The following SNTG1 variants were observed in gnomAD, a reference collection of about 807,000 sequenced individuals.
SNTG1 encodes the protein syntrophin gamma 1.
Under a neutral mutation model 74.7 loss-of-function variants are expected in SNTG1, and 39 were observed. That is an observed-to-expected ratio of 0.52 (90% CI 0.40 to 0.68). The LOEUF is 0.68. Among genes scored for constraint, SNTG1 ranks in the 30% least tolerant of loss-of-function variants. The pLI, the probability that SNTG1 is intolerant of heterozygous loss-of-function variation, is 0.00. For synonymous variants in SNTG1, 254 were observed against 217.1 expected (o/e 1.17, Z -1.49); for missense variants, 685 against 609.5 (o/e 1.12, Z -1.30).
At chr8:50,003,026 A>G (rs1814889503) in intron 1 of SNTG1, among the ~76,000 whole-genome samples, 1 of 152,178 alleles carries the variant, frequency 6.6e-6, no homozygotes, top group Admixed American at 6.5e-5. Flanking sequence ...GATTCCACTT[A>G]TATGAAGTGT....
chr8:50,396,103 A>C (rs2092725573), intron 3 of SNTG1, among the ~76,000 whole-genome samples: 1 of 152,232 alleles, frequency 6.6e-6, no homozygotes, highest in African/African-American at 2.4e-5. Context: ...AAATTCTATT[A>C]AGATACAGAA....
intron 13 of SNTG1, among the ~76,000 whole-genome samples, chr8:50,604,191 G>GAGGCAT (rs2094795377): frequency 6.6e-6 from 1 of 152,154 alleles, no homozygotes; most frequent in African/African-American, 2.4e-5. Flanking sequence ...GGCTGAGGCA[G>GAGGCAT]GCAGATCACT....
rs906224679 is a variant in SNTG1 at position 50,462,698 on chromosome 8, T to C, written c.363+11969T>C. ...TCACCAGGAAGAGTTTCCTTTGCAA[T>C]AAACCACTTTCTTTGCTCTTCCATA... On this transcript the variant is annotated intron_variant, in intron 8 of 18. Transcript: ENST00000642720. Among the ~76,000 whole-genome samples, 4 of 150,882 alleles carry C rather than the reference T, an allele frequency of 2.7e-5. No individual in the cohort carries two copies. In the East Asian group the frequency reaches 7.8e-4, roughly 30 times the overall value.
intron 2 of SNTG1, among the ~76,000 whole-genome samples, chr8:50,367,469 A>G (rs1310177315): frequency 1.3e-5 from 2 of 152,110 alleles, no homozygotes; most frequent in Non-Finnish European, 2.9e-5. Context: ...TATAAAATTT[A>G]TTATTTTTTA....
chr8:50,189,464 A>G (rs535908751), intron 2 of SNTG1, among the ~76,000 whole-genome samples: 1 of 152,234 alleles, frequency 6.6e-6, no homozygotes, highest in Admixed American at 6.6e-5. Flanking sequence ...CTGCTGATGC[A>G]GGGACCACAC....
In SNTG1 at chr8:50,402,238, A is replaced by C. The variant is rs142596572; in HGVS notation, c.56A>C (p.Asp19Ala). 42 of 1,605,218 alleles carry C rather than the reference A, an allele frequency of 2.6e-5. No individual in the cohort carries two copies. Among genetic ancestry groups the C allele is most frequent in the Non-Finnish European group, 3.4e-5 (40 of 1,177,924 alleles). The change falls in exon 4 of 19, where the codon GAT becomes GCT. Residue 19 changes from aspartate (D) to alanine (A), a missense_variant. Coordinates refer to ENST00000642720, the MANE Select transcript of SNTG1 (RefSeq NM_018967.5). ...ETKTGICLLQ[D>A]GNQEPFKVRL... is the part of the protein sequence containing the mutation. Reference sequence around the variant, plus strand: ...AAGACAGGAATTTGTTTGCTGCAGGATGGTAACCAGGAGCCTTTCAAAGTG... The same window carrying C: ...AAGACAGGAATTTGTTTGCTGCAGGCTGGTAACCAGGAGCCTTTCAAAGTG...
Position 50,073,408 on chromosome 8 carries a change from T to C in SNTG1, c.-102-99153T>C, listed in dbSNP as rs141881556. On this transcript the variant is annotated intron_variant, in intron 1 of 18. Coordinates refer to ENST00000642720, the MANE Select transcript of SNTG1 (RefSeq NM_018967.5). ...ACTTCTAATTCTAGTTCTCTTGTTA[T>C]TTCCATCACATTTACACTTACTTCC... Among the ~76,000 whole-genome samples the C allele has an allele frequency of 3.2e-3, 486 of 152,312 alleles. 2 individuals carry two copies. Among genetic ancestry groups the C allele is most frequent in the Non-Finnish European group, 4.0e-3 (273 of 68,028 alleles).
intron 2 of SNTG1, among the ~76,000 whole-genome samples, chr8:50,339,311 A>G (rs551268255): frequency 2.6e-5 from 4 of 152,184 alleles, no homozygotes; most frequent in Admixed American, 6.5e-5. Flanking sequence ...AATTCTTCAG[A>G]GAGAAGAAAA....
At chr8:50,194,965 T>C (rs2083708469) in intron 2 of SNTG1, among the ~76,000 whole-genome samples, 1 of 152,076 alleles carries the variant, frequency 6.6e-6, no homozygotes, top group African/African-American at 2.4e-5. Context: ...GCTGTAGTAG[T>C]GTACAGAGAG....
At chr8:50,470,853 T>C (rs2093647756) in intron 8 of SNTG1, among the ~76,000 whole-genome samples, 2 of 152,158 alleles carry the variant, frequency 1.3e-5, no homozygotes, top group Admixed American at 6.5e-5. Flanking sequence ...CAGGGGGCTC[T>C]GGTGGCCGGC....
chr8:50,583,573 T>C (rs1585756027), intron 12 of SNTG1, among the ~76,000 whole-genome samples: 1 of 152,068 alleles, frequency 6.6e-6, no homozygotes, highest in East Asian at 1.9e-4. Context: ...CAATACATTT[T>C]ACTACCCAAT....
At chr8:49,978,506 C>G (rs889521643) in intron 1 of SNTG1, among the ~76,000 whole-genome samples, 1 of 152,154 alleles carries the variant, frequency 6.6e-6, no homozygotes, top group African/African-American at 2.4e-5. Context: ...TCATTCATGG[C>G]CACGATCACT....
intron 1 of SNTG1, among the ~76,000 whole-genome samples, chr8:50,052,381 G>A (rs539571782): frequency 6.6e-6 from 1 of 152,012 alleles, no homozygotes; most frequent in Non-Finnish European, 1.5e-5. Context: ...CATGCAAAAA[G>A]AATTAAGTTG....
At chr8:50,214,177 A>C (rs1331630211) in intron 2 of SNTG1, among the ~76,000 whole-genome samples, 1 of 147,254 alleles carries the variant, frequency 6.8e-6, no homozygotes, top group Non-Finnish European at 1.5e-5. Flanking sequence ...CAAACACCGC[A>C]TATTCTCACT....
intron 1 of SNTG1, among the ~76,000 whole-genome samples, chr8:50,126,523 A>G (rs1240298714): frequency 3.3e-5 from 5 of 152,092 alleles, no homozygotes; most frequent in Non-Finnish European, 7.4e-5. Context: ...ATATGCATAA[A>G]CTTGAGAAGA....
chr8:49,927,715 T>C (rs1807153971), intron 1 of SNTG1, among the ~76,000 whole-genome samples: 1 of 152,150 alleles, frequency 6.6e-6, no homozygotes, highest in Non-Finnish European at 1.5e-5. Flanking sequence ...CATAGATTTT[T>C]ATCACAGTAA....
At chr8:50,297,880 C>CT (rs35875751) in intron 2 of SNTG1, among the ~76,000 whole-genome samples, 2,543 of 137,452 alleles carry the variant, frequency 0.019, 23 homozygotes, top group Non-Finnish European at 0.025. Context: ...AAATATGTGG[C>CT]TTTTTTTTTT....
intron 2 of SNTG1, among the ~76,000 whole-genome samples, chr8:50,376,304 T>A (rs188976994): frequency 6.6e-6 from 1 of 152,296 alleles, no homozygotes; most frequent in Non-Finnish European, 1.5e-5. Flanking sequence ...TGAACCAGAC[T>A]CTTGCTATTC....
chr8:50,555,046 A>T (rs1240585667), intron 12 of SNTG1, among the ~76,000 whole-genome samples: 1 of 152,180 alleles, frequency 6.6e-6, no homozygotes, highest in Non-Finnish European at 1.5e-5. Flanking sequence ...TGAAAAGTCA[A>T]TGCTTTAGTT....
Sources: gnomAD v4.1 joint callset for allele counts (sites outside exome capture counted in the v4.1 genomes callset) on GRCh38, gnomAD v4.1.1 for gene constraint, MANE v1.5 for transcripts, NCBI Gene and HGNC (gene_info 2026-07-23, HGNC 2026-07-21) for gene names.